FZD3: variants seen among roughly 807,000 people sequenced by gnomAD.
FZD3 encodes the protein frizzled class receptor 3, also known as frizzled-3.
In FZD3, 30 loss-of-function variants were observed where a neutral mutation model predicts 60.7. That is an observed-to-expected ratio of 0.49 (90% CI 0.37 to 0.67). The LOEUF is 0.67. Among genes scored for constraint, FZD3 ranks in the 30% least tolerant of loss-of-function variants. The pLI is 0.00. For missense variants in FZD3, 605 were observed against 838.7 expected, an observed-to-expected ratio of 0.72 and a Z score of 3.44; for synonymous variants, 246 against 275.2, an observed-to-expected ratio of 0.89 and a Z score of 1.05.
intron 4 of FZD3, among the ~76,000 whole-genome samples, chr8:28,521,213 T>C (rs538365061): frequency 1.3e-5 from 2 of 152,282 alleles, no homozygotes; most frequent in South Asian, 4.1e-4. Flanking sequence ...TAAATATAGA[T>C]TTATAGGATA....
chr8:28,551,499 A>G, intron 5 of FZD3, 104 bp from the exon 6 acceptor site: 1 of 874,248 alleles, frequency 1.1e-6, no homozygotes, highest in Non-Finnish European at 1.8e-6. Flanking sequence ...CTGGGTGACA[A>G]GAACAAAACT....
chr8:28,509,082 T>C (rs940923428), intron 3 of FZD3, among the ~76,000 whole-genome samples: 1 of 152,202 alleles, frequency 6.6e-6, no homozygotes, highest in East Asian at 1.9e-4. Flanking sequence ...TTTAAGTCAC[T>C]GAAATATTTT....
At chr8:28,509,558 G>A (rs560849458) in intron 3 of FZD3, among the ~76,000 whole-genome samples, 1 of 151,658 alleles carries the variant, frequency 6.6e-6, no homozygotes, top group Admixed American at 6.6e-5. Flanking sequence ...TTCCAGAATT[G>A]AAAATCTACA....
chr8:28,558,170 A>G (rs1805547383), intron 7 of FZD3, among the ~76,000 whole-genome samples: 1 of 152,220 alleles, frequency 6.6e-6, no homozygotes, highest in Non-Finnish European at 1.5e-5. Flanking sequence ...AGAAACTATC[A>G]TAGGACTTCA....
At chr8:28,516,884 T>C (rs1432331581) in intron 3 of FZD3, among the ~76,000 whole-genome samples, 1 of 152,332 alleles carries the variant, frequency 6.6e-6, no homozygotes, top group East Asian at 1.9e-4. Context: ...TTTTGACTTA[T>C]AATATTCTAA....
At chr8:28,512,380 T>C (rs1409975598) in intron 3 of FZD3, among the ~76,000 whole-genome samples, 10 of 152,160 alleles carry the variant, frequency 6.6e-5, no homozygotes, top group East Asian at 1.9e-4. Context: ...CCTGGTTTGG[T>C]TGAAAAACAT....
intron 7 of FZD3, among the ~76,000 whole-genome samples, chr8:28,562,586 T>C (rs1404643389): frequency 6.6e-6 from 1 of 152,210 alleles, no homozygotes; most frequent in Non-Finnish European, 1.5e-5. Flanking sequence ...GAATGGAACC[T>C]TAATTCTGAT....
chr8:28,551,339 C>A (rs1441805697), intron 5 of FZD3, among the ~76,000 whole-genome samples: 3 of 151,010 alleles, frequency 2.0e-5, no homozygotes, highest in Non-Finnish European at 2.9e-5. Context: ...CATGGTGAAA[C>A]CCCGTCTCTA....
chr8:28,556,043 G>C, intron 7 of FZD3, 72 bp downstream of exon 7: 1 of 976,682 alleles, frequency 1.0e-6, no homozygotes, highest in Non-Finnish European at 1.6e-6. Flanking sequence ...AAGAGGAGCA[G>C]CCAATTCTGA....
chr8:28,532,553 A>G (rs1197899245), intron 5 of FZD3, among the ~76,000 whole-genome samples: 1 of 150,388 alleles, frequency 6.6e-6, no homozygotes, highest in African/African-American at 2.4e-5. Flanking sequence ...CATCCCCCCA[A>G]GTAGGTGGGG....
intron 4 of FZD3, among the ~76,000 whole-genome samples, chr8:28,526,291 C>T (rs940148104): frequency 6.6e-6 from 1 of 152,112 alleles, no homozygotes; most frequent in African/African-American, 2.4e-5. Context: ...CCAGCAATAA[C>T]ACACCCTGTT....
rs187911274 is a variant in FZD3, at chr8:28,555,962, G to C, written c.1778G>C (p.Arg593Pro). 11 of 1,597,112 alleles carry C rather than the reference G, an allele frequency of 6.9e-6. No homozygotes were observed. Among genetic ancestry groups the C allele is most frequent in the Non-Finnish European group, 9.4e-6 (11 of 1,164,936 alleles). Residue 593 changes from arginine (R) to proline (P), a missense_variant, in exon 7 of 8, where the codon CGT (arginine) becomes CCT (proline). Transcript: ENST00000240093. ...SSYHGSLHRS[R>P]DGRYTPCSYR... ...TACCACGGCAGCCTCCACAGATCAC[G>C]TGATGGCAGGTGAGTTTTGTTAGTA...
intron 2 of FZD3, among the ~76,000 whole-genome samples, chr8:28,502,135 A>G (rs1314044794): frequency 1.3e-5 from 2 of 152,212 alleles, no homozygotes; most frequent in African/African-American, 4.8e-5. Flanking sequence ...TTCTAGGTAC[A>G]TAGAAGTTAA....
rs373757767 is a variant in FZD3 at position 28,566,188 on chromosome 8, T to C, written c.*3177T>C. Reference sequence around the variant, plus strand: ...AGAAATTTGAAAGATCTATAACCTATGTGAAATGAAGTCTCTGCTTTACCA... The same window carrying C: ...AGAAATTTGAAAGATCTATAACCTACGTGAAATGAAGTCTCTGCTTTACCA... On this transcript the variant is annotated 3_prime_UTR_variant, in exon 8 of 8. Coordinates refer to ENST00000240093, the MANE Select transcript of FZD3 (RefSeq NM_017412.4). The C allele has an allele frequency of 6.6e-5, 10 of 152,104 alleles. No homozygotes were observed. Among genetic ancestry groups the C allele is most frequent in the African/African-American group, 2.2e-4 (9 of 41,390 alleles). The allele number at this position is 152,104 out of a possible 1,614,324, so 9.4% of individuals were successfully genotyped here.
intron 3 of FZD3, 35 bp from the exon 4 acceptor site, chr8:28,520,603 C>A (rs1306430131): frequency 2.3e-6 from 3 of 1,293,908 alleles, no homozygotes; most frequent in East Asian, 2.4e-5. Context: ...GTATACAGCT[C>A]TTTAACTAAT....
At position 28,571,083 on chromosome 8, in the gene FZD3, T is replaced by C. The variant is rs180819214; in HGVS notation, c.*8072T>C. 2.4e-4 allele frequency: 36 copies of C among 152,238 alleles called. No individual in the cohort carries two copies. In the East Asian group the frequency reaches 6.2e-3, roughly 26 times the overall value. The allele number at this position is 152,238 out of a possible 1,614,324, so 9.4% of individuals were successfully genotyped here. A position where few individuals can be genotyped will look rare whatever the true frequency, so the allele number is the denominator to read the frequency against. Reference sequence around the variant, plus strand: ...TTAGTTCTCTGCCTCTGCAAGTCTTTGTGATCACATTTGTTAAATTGAATC... The same window carrying C: ...TTAGTTCTCTGCCTCTGCAAGTCTTCGTGATCACATTTGTTAAATTGAATC... On this transcript the variant is annotated 3_prime_UTR_variant, in exon 8 of 8. Transcript: ENST00000240093.
At position 28,527,791 on chromosome 8, in the gene FZD3, T is replaced by A; in HGVS notation, c.1031T>A (p.Ile344Asn). Residue 344 changes from isoleucine to asparagine, a missense_variant, in exon 5 of 8, where the codon ATC (isoleucine) becomes AAC (asparagine). Transcript: ENST00000240093. This position sits in a 1 kb window ranked among gnomAD's most constrained non-coding sequence, Gnocchi z 5.0. ...SAWGIPGTLT[I>N]ILLAMNKIEG... ...TGGGGCATCCCCGGAACTCTAACCA[T>A]CATCCTTTTAGCGATGAATAAAATT... 1.2e-6 allele frequency: 2 copies of A among 1,614,168 alleles called. No homozygotes were observed. The highest frequency in any genetic ancestry group is 1.7e-6 in the Non-Finnish European group (2 of 1,180,000).
intron 5 of FZD3, among the ~76,000 whole-genome samples, chr8:28,549,703 G>A (rs1238750336): frequency 1.3e-5 from 2 of 151,972 alleles, no homozygotes; most frequent in Non-Finnish European, 2.9e-5. Flanking sequence ...GTTTGCTTTT[G>A]GATTGAGATA....
At chr8:28,510,644 A>G (rs1282739359) in intron 3 of FZD3, among the ~76,000 whole-genome samples, 3 of 152,234 alleles carry the variant, frequency 2.0e-5, no homozygotes, top group Non-Finnish European at 4.4e-5. Context: ...AAGTTTTGCT[A>G]CTTATCAACT....
Sources: allele counts gnomAD v4.1 joint callset (sites outside exome capture counted in the v4.1 genomes callset), GRCh38; gene constraint gnomAD v4.1.1; non-coding constraint Gnocchi (gnomAD v3.1); transcripts MANE v1.5; gene names NCBI Gene and HGNC (gene_info 2026-07-23, HGNC 2026-07-21).